The following SEC63 variants were observed in gnomAD, a reference collection of about 807,000 sequenced individuals.
SEC63 encodes SEC63 protein translocation regulator, also known as translocation protein SEC63 homolog.
Under a neutral mutation model 116.2 loss-of-function variants are expected in SEC63, and 56 were observed. The observed-to-expected ratio is 0.48, with a 90% CI of 0.39 to 0.60. The LOEUF (loss-of-function observed/expected upper bound fraction) is 0.60. SEC63 is among the 20% of genes least tolerant of loss of function. The pLI is 0.00. For missense variants in SEC63, 668 were observed against 900.0 expected (o/e 0.74, Z 3.30); for synonymous variants, 273 against 294.6 (o/e 0.93, Z 0.75).
intron 10 of SEC63, among the ~76,000 whole-genome samples, chr6:107,904,996 G>T (rs1300937205): frequency 1.3e-5 from 2 of 152,086 alleles, no homozygotes; most frequent in South Asian, 2.1e-4. Context: ...GGTGGCTCAC[G>T]CCTATAATCC....
At chr6:107,929,354 T>G (rs1265850949) in intron 2 of SEC63, 61 bp downstream of exon 2, 8 of 849,446 alleles carry the variant, frequency 9.4e-6, no homozygotes, top group Non-Finnish European at 1.6e-5. Context: ...CACGTATATG[T>G]TGTATGACCT....
At chr6:107,920,093 C>T (rs909894247) in intron 4 of SEC63, among the ~76,000 whole-genome samples, 5 of 152,030 alleles carry the variant, frequency 3.3e-5, no homozygotes, top group African/African-American at 9.7e-5. Context: ...TTTAGCCATA[C>T]AGTATTTTTA....
chr6:107,906,802 G>A (rs777688231), intron 8 of SEC63, 25 bp from the exon 9 acceptor site: 67 of 1,528,858 alleles, frequency 4.4e-5, no homozygotes, highest in Admixed American at 6.7e-5. Flanking sequence ...GAAATATGAA[G>A]GTAAATAAAT....
rs1249655731 is a variant in SEC63 at position 107,867,817 on chromosome 6, T to C, written c.*3887A>G. On this transcript the variant is annotated 3_prime_UTR_variant, in exon 21 of 21. Transcript: ENST00000369002. Reference sequence around the variant, plus strand: ...AAGTGTACAATTGTACAATATATTATGTACATTATAAAACACACAAAAATA... The same window carrying C: ...AAGTGTACAATTGTACAATATATTACGTACATTATAAAACACACAAAAATA... The C allele has an allele frequency of 2.0e-5, 3 of 152,288 alleles. No individual in the cohort carries two copies. The highest frequency in any genetic ancestry group is 2.0e-4 in the Admixed American group (3 of 15,304). The allele number at this position is 152,288 out of a possible 1,614,324, so 9.4% of individuals were successfully genotyped here. A position where few individuals can be genotyped will look rare whatever the true frequency, so the allele number is the denominator to read the frequency against.
chr6:107,901,306 C>G, intron 13 of SEC63, 64 bp downstream of exon 13: 1 of 1,495,954 alleles, frequency 6.7e-7, no homozygotes, highest in Non-Finnish European at 9.3e-7. Flanking sequence ...AATCCTGAGT[C>G]AAATAAATGA....
intron 1 of SEC63, among the ~76,000 whole-genome samples, chr6:107,941,149 G>T (rs10484909): frequency 0.048 from 7,271 of 152,192 alleles, 531 homozygotes; most frequent in African/African-American, 0.16. Flanking sequence ...AGCTGAAAGG[G>T]CCTCTGGAGA....
At chr6:107,933,931 C>T (rs1411129529) in intron 1 of SEC63, among the ~76,000 whole-genome samples, 3 of 152,214 alleles carry the variant, frequency 2.0e-5, no homozygotes, top group Non-Finnish European at 2.9e-5. Flanking sequence ...CTGTGTTGGC[C>T]GGGCTGGTCT....
At chr6:107,888,786 G>C (rs1395023251) in intron 16 of SEC63, among the ~76,000 whole-genome samples, 1 of 152,164 alleles carries the variant, frequency 6.6e-6, no homozygotes, top group Admixed American at 6.5e-5. Flanking sequence ...TTTATTGAGA[G>C]TTTTTAGCAT....
chr6:107,952,135 A>G (rs543739464), intron 1 of SEC63, among the ~76,000 whole-genome samples: 7 of 152,294 alleles, frequency 4.6e-5, no homozygotes, highest in African/African-American at 1.7e-4. Context: ...TTTGCAAACC[A>G]AGAGAGTAAA....
intron 2 of SEC63, among the ~76,000 whole-genome samples, chr6:107,926,065 G>T (rs1423897457): frequency 6.6e-6 from 1 of 152,054 alleles, no homozygotes; most frequent in African/African-American, 2.4e-5. Context: ...TGATCCGCTC[G>T]CCTCAGCCTC....
intron 1 of SEC63, among the ~76,000 whole-genome samples, chr6:107,947,365 C>T (rs1770498856): frequency 6.6e-6 from 1 of 151,808 alleles, no homozygotes; most frequent in Admixed American, 6.6e-5. Flanking sequence ...AAAAAAAGAA[C>T]AAAAAAACCA....
chr6:107,944,038 T>C (rs866421432), intron 1 of SEC63, among the ~76,000 whole-genome samples: 5 of 152,094 alleles, frequency 3.3e-5, no homozygotes, highest in African/African-American at 4.8e-5. Context: ...GTGGTGTTGG[T>C]GGAGTGATGA....
chr6:107,918,136 G>A (rs944342934), intron 4 of SEC63, among the ~76,000 whole-genome samples: 4 of 151,984 alleles, frequency 2.6e-5, no homozygotes, highest in Non-Finnish European at 5.9e-5. Context: ...TAAGATCTAT[G>A]CTAAATCTAT....
chr6:107,934,561 C>T (rs1770146954), intron 1 of SEC63, among the ~76,000 whole-genome samples: 1 of 144,500 alleles, frequency 6.9e-6, no homozygotes, highest in Non-Finnish European at 1.5e-5. Flanking sequence ...CGCCTGGCAG[C>T]CACCCCGTCT....
chr6:107,890,906 T>C (rs1159742553), intron 16 of SEC63, among the ~76,000 whole-genome samples: 1 of 152,238 alleles, frequency 6.6e-6, no homozygotes, highest in East Asian at 1.9e-4. Flanking sequence ...CCCCACTCTC[T>C]TCTGGCTTGT....
chr6:107,955,293 G>A (rs1770689307), intron 1 of SEC63, among the ~76,000 whole-genome samples: 1 of 152,158 alleles, frequency 6.6e-6, no homozygotes, highest in South Asian at 2.1e-4. Flanking sequence ...CTCCCGGGTA[G>A]CTGGAATTAC....
intron 2 of SEC63, among the ~76,000 whole-genome samples, chr6:107,928,065 C>A (rs1282385163): frequency 6.6e-6 from 1 of 151,932 alleles, no homozygotes; most frequent in Non-Finnish European, 1.5e-5. Context: ...AAAATGAGAA[C>A]CAACAGTAAA....
At chr6:107,907,193 G>A (rs758562264) in intron 8 of SEC63, among the ~76,000 whole-genome samples, 1 of 152,120 alleles carries the variant, frequency 6.6e-6, no homozygotes, top group Non-Finnish European at 1.5e-5. Context: ...ACTTCTCAAG[G>A]CCTTTTGTAA....
At chr6:107,903,295 C>A (rs1400955573) in intron 11 of SEC63, among the ~76,000 whole-genome samples, 1 of 152,064 alleles carries the variant, frequency 6.6e-6, no homozygotes. Context: ...ATGACAAGAA[C>A]CAACATCACC....
Sources: allele counts gnomAD v4.1 joint callset (sites outside exome capture counted in the v4.1 genomes callset), GRCh38; gene constraint gnomAD v4.1.1; transcripts MANE v1.5; gene names NCBI Gene and HGNC (gene_info 2026-07-23, HGNC 2026-07-21).